RARRES1: variants seen among roughly 807,000 people sequenced by gnomAD.
RARRES1 encodes retinoic acid receptor responder 1, also known as retinoic acid receptor responder protein 1.
RARRES1 carries 34 observed loss-of-function variants against 30.6 expected under a neutral mutation model. The observed-to-expected ratio is 1.11, with a 90% CI of 0.84 to 1.48. The LOEUF (loss-of-function observed/expected upper bound fraction) is 1.48. Among genes scored for constraint, RARRES1 ranks in the 40% most tolerant of loss-of-function variants. The pLI, the probability that RARRES1 is intolerant of heterozygous loss-of-function variation, is 0.00. For missense variants in RARRES1, 373 were observed against 386.5 expected (o/e 0.97, Z 0.29); for synonymous variants, 153 against 155.5 (o/e 0.98, Z 0.12).
intron 1 of RARRES1, among the ~76,000 whole-genome samples, chr3:158,731,848 C>T (rs1046865471): frequency 3.3e-5 from 5 of 152,232 alleles, no homozygotes; most frequent in Admixed American, 2.0e-4. Flanking sequence ...CATCTCTTTC[C>T]CAGGTGTGGG....
At chr3:158,720,147 G>A (rs897632442) in intron 1 of RARRES1, among the ~76,000 whole-genome samples, 1 of 151,940 alleles carries the variant, frequency 6.6e-6, no homozygotes, top group Non-Finnish European at 1.5e-5. Flanking sequence ...GCAGAGCCCC[G>A]TTTTTCCCAA....
intron 2 of RARRES1, among the ~76,000 whole-genome samples, chr3:158,712,967 T>C (rs1350357141): frequency 6.6e-6 from 1 of 152,232 alleles, no homozygotes; most frequent in Non-Finnish European, 1.5e-5. Flanking sequence ...ATTCATAGGT[T>C]AATAAGCAAA....
chr3:158,701,861 A>C (rs1726734807), intron 4 of RARRES1, among the ~76,000 whole-genome samples: 1 of 152,102 alleles, frequency 6.6e-6, no homozygotes, highest in South Asian at 2.1e-4. Context: ...GTTTAACTTC[A>C]ATCCGTTTGT....
rs1462146664 is a variant in RARRES1 at position 158,732,173 on chromosome 3, TC to T, written c.242del (p.Arg81GlnfsTer63). 2.1e-6 allele frequency: 3 copies of T among 1,415,768 alleles called. No homozygotes were observed. In the Admixed American group the frequency reaches 9.0e-5, roughly 42 times the overall value. 87.7% of individuals were successfully genotyped at this position (1,415,768 alleles called of 1,614,324 possible). ...GGCCCTCCTGCACCTCGGCCAGCACTCGTAGCGCGCTGGGCGAGCCGGACCG... is the reference window on the plus strand; with the variant it reads ...GGCCCTCCTGCACCTCGGCCAGCACTGTAGCGCGCTGGGCGAGCCGGACCG... ...NFRSGSPSAL[R>X]VLAEVQEGRA... On this transcript the variant is annotated frameshift_variant, in exon 1 of 6. Transcript: ENST00000237696. LOFTEE classifies it high-confidence loss of function.
intron 3 of RARRES1, among the ~76,000 whole-genome samples, chr3:158,706,952 G>A (rs924500934): frequency 1.4e-4 from 21 of 151,944 alleles, no homozygotes; most frequent in South Asian, 6.2e-4. Flanking sequence ...GTGGATCACC[G>A]GAGGTCAGGA....
chr3:158,732,145 C>A lies in RARRES1; in HGVS notation c.271G>T (p.Ala91Ser). The A allele has an allele frequency of 7.2e-7, 1 of 1,379,770 alleles. No homozygotes were observed. Among genetic ancestry groups the A allele is most frequent in the Non-Finnish European group, 9.3e-7 (1 of 1,074,388 alleles). The allele number at this position is 1,379,770 out of a possible 1,614,324, so 85.5% of individuals were successfully genotyped here. A position where few individuals can be genotyped will look rare whatever the true frequency, so the allele number is the denominator to read the frequency against. The change falls in exon 1 of 6, where the codon GCG (alanine) becomes TCG (serine). Residue 91 changes from alanine (A) to serine (S), a missense_variant. Physicochemically the swap from Ala to Ser is moderately conservative, Grantham distance 99 (BLOSUM62 1). Coordinates refer to ENST00000237696, the MANE Select transcript of RARRES1 (RefSeq NM_206963.2). ...GCGCGTCGCTCCGCACTCACCCACG[C>A]GCGGCCCTCCTGCACCTCGGCCAGC... ...RVLAEVQEGR[A>S]WINPKEGCKV...
chr3:158,717,011 C>A (rs1419991622), intron 1 of RARRES1, among the ~76,000 whole-genome samples: 1 of 152,246 alleles, frequency 6.6e-6, no homozygotes, highest in African/African-American at 2.4e-5. Flanking sequence ...CTCCCTTCCT[C>A]TGAGTCACAA....
At chr3:158,702,077 G>C (rs184300154) in intron 4 of RARRES1, among the ~76,000 whole-genome samples, 1 of 151,904 alleles carries the variant, frequency 6.6e-6, no homozygotes, top group East Asian at 1.9e-4. Flanking sequence ...TTGCTCTGTC[G>C]CCCAGGCTGG....
chr3:158,732,432 G>T lies in RARRES1; in HGVS notation c.-17C>A. 5.9e-6 allele frequency: 9 copies of T among 1,517,322 alleles called. No individual in the cohort carries two copies. Among genetic ancestry groups the T allele is most frequent in the Non-Finnish European group, 7.9e-6 (9 of 1,137,782 alleles). 94.0% of individuals were successfully genotyped at this position (1,517,322 alleles called of 1,614,324 possible). A position where few individuals can be genotyped will look rare whatever the true frequency, so the allele number is the denominator to read the frequency against. On this transcript the variant is annotated 5_prime_UTR_variant, in exon 1 of 6. Transcript: ENST00000237696. Reference sequence around the variant, plus strand: ...GGGCTGCATGGACGCAGGAAAGTTGGCTCGGCACCCGACAGACACGGGCTC... The same window carrying T: ...GGGCTGCATGGACGCAGGAAAGTTGTCTCGGCACCCGACAGACACGGGCTC...
rs1280189623 is a variant in RARRES1, at chr3:158,723,388, C to T, written c.276+8752G>A. Among the ~76,000 whole-genome samples the T allele has an allele frequency of 6.6e-6, 1 of 152,208 alleles. No homozygotes were observed. The highest frequency in any genetic ancestry group is 1.5e-5 in the Non-Finnish European group (1 of 68,048). The stretch of plus-strand genomic sequence containing the variant: ...GAGATAAGTAAACAACTCATTTGTG[C>T]ATAGAAATTGCTGTGCTATCCTTAT... On this transcript the variant is annotated intron_variant, in intron 1 of 5. Coordinates refer to ENST00000237696, the MANE Select transcript of RARRES1 (RefSeq NM_206963.2). This position sits in a 1 kb window ranked among gnomAD's most constrained non-coding sequence, Gnocchi z 4.4.
intron 1 of RARRES1, among the ~76,000 whole-genome samples, chr3:158,731,709 C>A (rs1217680418): frequency 6.6e-6 from 1 of 152,226 alleles, no homozygotes; most frequent in Non-Finnish European, 1.5e-5. Context: ...TTGGAAATCC[C>A]GCCCAAAACT....
chr3:158,725,899 G>T (rs1257983549), intron 1 of RARRES1, among the ~76,000 whole-genome samples: 1 of 152,156 alleles, frequency 6.6e-6, no homozygotes, highest in Admixed American at 6.5e-5. Context: ...CACAAACATT[G>T]CCTGGAAGGA....
intron 4 of RARRES1, among the ~76,000 whole-genome samples, chr3:158,699,444 C>CA (rs397777001): frequency 1.3e-5 from 2 of 150,152 alleles, no homozygotes; most frequent in Non-Finnish European, 3.0e-5. Context: ...ACCCCCCCCC[C>CA]ACCAAAAAAG....
At chr3:158,699,862 C>T (rs1041535606) in intron 4 of RARRES1, among the ~76,000 whole-genome samples, 79 of 152,088 alleles carry the variant, frequency 5.2e-4, no homozygotes, top group Non-Finnish European at 1.5e-5. Flanking sequence ...CTGGCATTGT[C>T]GCTTTGAGGG....
In RARRES1 at chr3:158,723,209, C is replaced by G. The variant is rs1219241343; in HGVS notation, c.276+8931G>C. Among the ~76,000 whole-genome samples the G allele has an allele frequency of 2.0e-5, 3 of 152,216 alleles. No homozygotes were observed. The highest frequency in any genetic ancestry group is 4.4e-5 in the Non-Finnish European group (3 of 68,048). On this transcript the variant is annotated intron_variant, in intron 1 of 5. Transcript: ENST00000237696. This position sits in a 1 kb window ranked among gnomAD's most constrained non-coding sequence, Gnocchi z 4.4. ...GCTCACAGGTAATTCCAGTCTCCCT[C>G]CACGCATCTTGGGACTCACTGGTCT...
intron 1 of RARRES1, among the ~76,000 whole-genome samples, chr3:158,717,711 G>T (rs1008516910): frequency 6.6e-6 from 1 of 152,214 alleles, no homozygotes; most frequent in African/African-American, 2.4e-5. Flanking sequence ...GTTGTGCAGA[G>T]TTAATGTAGA....
At chr3:158,724,101 A>G (rs1727599957) in intron 1 of RARRES1, among the ~76,000 whole-genome samples, 1 of 152,108 alleles carries the variant, frequency 6.6e-6, no homozygotes, top group South Asian at 2.1e-4. Flanking sequence ...TGAGCTAGAG[A>G]GGAGAGGGCA....
intron 3 of RARRES1, among the ~76,000 whole-genome samples, chr3:158,706,363 CT>C (rs1216026212): frequency 1.3e-5 from 2 of 152,208 alleles, no homozygotes; most frequent in Non-Finnish European, 2.9e-5. Context: ...GAGATTTTGG[CT>C]GCGCCTTGAA....
At chr3:158,713,596 G>T (rs141813910) in intron 2 of RARRES1, among the ~76,000 whole-genome samples, 2 of 152,152 alleles carry the variant, frequency 1.3e-5, no homozygotes, top group African/African-American at 2.4e-5. Flanking sequence ...GCAACCCTGC[G>T]TTAAGACCAT....
Sources: allele counts gnomAD v4.1 joint callset (sites outside exome capture counted in the v4.1 genomes callset), GRCh38; gene constraint gnomAD v4.1.1; non-coding constraint Gnocchi (gnomAD v3.1); transcripts MANE v1.5; gene names NCBI Gene and HGNC (gene_info 2026-07-23, HGNC 2026-07-21).